TMEM230: variants seen among roughly 807,000 people sequenced by gnomAD.
The protein encoded by TMEM230 is transmembrane protein 230.
A neutral mutation model predicts 15.8 loss-of-function variants in TMEM230; 10 were observed. That is an observed-to-expected ratio of 0.63 (90% CI 0.39 to 1.07). The LOEUF is 1.07. Among genes scored for constraint, TMEM230 ranks in the 50% least tolerant of loss-of-function variants. The pLI is 0.01. For synonymous variants in TMEM230, 67 were observed against 76.9 expected (o/e 0.87, Z 0.68); for missense variants, 165 against 193.3 (o/e 0.85, Z 0.87).
rs368856167 is a variant in TMEM230, at chr20:5,110,294, T to G, written c.175-849A>C. Among the ~76,000 whole-genome samples, 4 of 151,854 alleles carry G rather than the reference T, an allele frequency of 2.6e-5. No individual in the cohort carries two copies. The East Asian group carries it at 5.8e-4, about 22-fold the overall frequency. On this transcript the variant is annotated intron_variant, in intron 2 of 4. Transcript: ENST00000342308. ...GGGCTGGTCTTGAACTCAGTTTTTTTTTTTTTCTTTGCGATAGTCTCACTT... is the reference window on the plus strand; with the variant it reads ...GGGCTGGTCTTGAACTCAGTTTTTTGTTTTTTCTTTGCGATAGTCTCACTT...
intron 3 of TMEM230, among the ~76,000 whole-genome samples, chr20:5,081,408 C>T (rs2089169699): frequency 6.6e-6 from 1 of 152,180 alleles, no homozygotes; most frequent in African/African-American, 2.4e-5. Context: ...AGGCTATGGG[C>T]ACAGCAGGGG....
intron 3 of TMEM230, among the ~76,000 whole-genome samples, chr20:5,088,794 G>C (rs6053098): frequency 6.6e-6 from 1 of 151,942 alleles, no homozygotes; most frequent in African/African-American, 2.4e-5. Context: ...TATTACAGGC[G>C]TGAGCCACCA....
At chr20:5,098,370 T>G (rs2089729090), downstream of TMEM230, 1 of 152,198 alleles carries the variant, frequency 6.6e-6, no homozygotes, top group South Asian at 2.1e-4. Flanking sequence ...AACATTATTA[T>G]GGAGGTTTAG....
chr20:5,077,497 C>G (rs6038059), intron 3 of TMEM230, among the ~76,000 whole-genome samples: 11,521 of 133,356 alleles, frequency 0.086, 1,375 homozygotes, highest in African/African-American at 0.27. Context: ...TCAGGAGTTC[C>G]AGACCAGCCT....
chr20:5,109,889 A>G (rs568370870), intron 2 of TMEM230, among the ~76,000 whole-genome samples: 1 of 152,338 alleles, frequency 6.6e-6, no homozygotes, highest in African/African-American at 2.4e-5. Context: ...CAAGAGGAGC[A>G]TATACTCAAA....
At chr20:5,106,078 A>C (rs1040783) in intron 4 of TMEM230, 110 bp downstream of exon 3, 47,790 of 546,788 alleles carry the variant, frequency 0.087, 8,048 homozygotes, top group South Asian at 0.1. Context: ...GGGACGGACA[A>C]ACACACACAC....
At chr20:5,091,812 T>C (rs144949577) in intron 3 of TMEM230, among the ~76,000 whole-genome samples, 100 of 152,308 alleles carry the variant, frequency 6.6e-4, no homozygotes, top group Middle Eastern at 6.8e-3. Flanking sequence ...TGACTTGATA[T>C]GCAAAGTTAA....
intron 3 of TMEM230, among the ~76,000 whole-genome samples, chr20:5,084,212 A>G (rs953232234): frequency 8.6e-5 from 13 of 151,556 alleles, no homozygotes; most frequent in Non-Finnish European, 1.8e-4. Context: ...ATGGCTGCAT[A>G]ATATTCTATT....
Position 5,111,607 on chromosome 20 carries a change from T to TAAAAAAAAAAAACAAAAAAAAAAAA in TMEM230, c.69-3_69-2insTTTTTTTTTTTTGTTTTTTTTTTTT, listed in dbSNP as rs2090324099. Reference sequence around the variant, plus strand: ...CTGGGCGACAGAACTAGACTCCATCTAAAAAAAAAAAAAAAAAAAAAAAAA... The same window carrying TAAAAAAAAAAAACAAAAAAAAAAAA: ...CTGGGCGACAGAACTAGACTCCATCTAAAAAAAAAAAACAAAAAAAAAAAAAAAAAAAAAAAAAAAAAAAAAAAAA... On this transcript the variant is annotated splice_region_variant and splice_polypyrimidine_tract_variant and intron_variant, in intron 1 of 4. Coordinates refer to ENST00000342308, the MANE Select transcript of TMEM230 (RefSeq NM_001009923.2). 1 of 58,734 alleles carries TAAAAAAAAAAAACAAAAAAAAAAAA rather than the reference T, an allele frequency of 1.7e-5. No homozygotes were observed. The highest frequency in any genetic ancestry group is 6.5e-5 in the African/African-American group (1 of 15,410). 3.6% of individuals were successfully genotyped at this position (58,734 alleles called of 1,614,324 possible). A position where few individuals can be genotyped will look rare whatever the true frequency, so the allele number is the denominator to read the frequency against.
At chr20:5,077,473 T>G (rs754144799) in intron 3 of TMEM230, among the ~76,000 whole-genome samples, 2 of 135,416 alleles carry the variant, frequency 1.5e-5, no homozygotes, top group East Asian at 3.9e-4. Context: ...GGGAGGTGGG[T>G]GGATCACCTG....
In TMEM230 at chr20:5,100,883, G is replaced by T. The variant is rs370938377; in HGVS notation, c.460C>A (p.Leu154Ile). Reference sequence around the variant, plus strand: ...ATGCGCAGGTGGTAAAATCCGGGTAGGAACACCAGAATGCCAATGATCAGC... The same window carrying T: ...ATGCGCAGGTGGTAAAATCCGGGTATGAACACCAGAATGCCAATGATCAGC... The change falls in exon 5 of 5, where the codon CTA (leucine) becomes ATA (isoleucine). Residue 154 changes from leucine (L) to isoleucine (I), a missense_variant. Transcript: ENST00000342308. The T allele has an allele frequency of 6.2e-6, 10 of 1,614,048 alleles. No homozygotes were observed. The highest frequency in any genetic ancestry group is 7.6e-6 in the Non-Finnish European group (9 of 1,180,026).
chr20:5,110,710 ATATGGTATAATATCT>A (rs1226708261), intron 2 of TMEM230, among the ~76,000 whole-genome samples: 6 of 152,220 alleles, frequency 3.9e-5, no homozygotes, highest in Admixed American at 2.0e-4. Flanking sequence ...AAGAAACGGA[ATATGGTATAATATCT>A]TACAAAAAAT....
chr20:5,064,892 T>C (rs372562367), downstream of TMEM230, among the ~76,000 whole-genome samples: 24 of 151,804 alleles, frequency 1.6e-4, no homozygotes, highest in South Asian at 5.0e-3. Context: ...TACCAGGGGC[T>C]AGGCGTGGTG....
rs538568950 is a variant in TMEM230 at position 5,077,969 on chromosome 20, G to C, written c.223-8620C>G. On this transcript the variant is annotated intron_variant, in intron 3 of 3. Coordinates refer to the TMEM230 transcript ENST00000612323. ...AATGAATCAGGATCAGAGATAAGTA[G>C]CATGGGGCCTGGGGGCTTAGCTTCA... Among the ~76,000 whole-genome samples the C allele has an allele frequency of 1.9e-4, 29 of 152,316 alleles. 1 individual carries two copies. In the South Asian group the frequency reaches 5.6e-3, roughly 29 times the overall value.
At chr20:5,084,031 T>C (rs962083176) in intron 3 of TMEM230, among the ~76,000 whole-genome samples, 6 of 152,100 alleles carry the variant, frequency 3.9e-5, no homozygotes, top group African/African-American at 1.4e-4. Context: ...CAAGTAGGCC[T>C]CGGTGTCAAC....
At chr20:5,090,092 A>G (rs752819426) in intron 3 of TMEM230, among the ~76,000 whole-genome samples, 2 of 152,200 alleles carry the variant, frequency 1.3e-5, no homozygotes, top group Non-Finnish European at 2.9e-5. Context: ...GAGATCAAAA[A>G]GACAAAATAT....
At chr20:5,071,308 G>A (rs2088815497) in intron 3 of TMEM230, among the ~76,000 whole-genome samples, 1 of 151,676 alleles carries the variant, frequency 6.6e-6, no homozygotes, top group South Asian at 2.1e-4. Context: ...GAGAAAGATG[G>A]GAGCATGAAT....
downstream of TMEM230, among the ~76,000 whole-genome samples, chr20:5,063,611 CA>C (rs2088626732): frequency 6.6e-6 from 1 of 151,946 alleles, no homozygotes; most frequent in South Asian, 2.1e-4. Context: ...CTTAATGGCA[CA>C]TCCTGTGGAA....
chr20:5,066,958 C>G (rs1217202393), downstream of TMEM230, among the ~76,000 whole-genome samples: 1 of 152,004 alleles, frequency 6.6e-6, no homozygotes, highest in African/African-American at 2.4e-5. Context: ...CAAAATGAAG[C>G]AATATTCCAC....
Sources: gnomAD v4.1 joint callset for allele counts (sites outside exome capture counted in the v4.1 genomes callset) on GRCh38, gnomAD v4.1.1 for gene constraint, MANE v1.5 for transcripts, NCBI Gene and HGNC (gene_info 2026-07-23, HGNC 2026-07-21) for gene names.